NTRK1: variants seen among roughly 807,000 people sequenced by gnomAD.
The protein encoded by NTRK1 is high affinity nerve growth factor receptor.
In NTRK1, 62 loss-of-function variants were observed where a neutral mutation model predicts 86.8. The observed-to-expected ratio is 0.71, with a 90% CI of 0.58 to 0.88. The LOEUF is 0.88. Ranked by LOEUF, NTRK1 falls within the 40% of genes least tolerant of loss-of-function variation. NTRK1 has a pLI of 0.00. For synonymous variants in NTRK1, 469 were observed against 456.6 expected (o/e 1.03, Z -0.35); for missense variants, 967 against 1,078.4 (o/e 0.90, Z 1.45).
intron 1 of NTRK1, among the ~76,000 whole-genome samples, chr1:156,820,074 G>A (rs976915629): frequency 6.6e-6 from 1 of 151,994 alleles, no homozygotes; most frequent in South Asian, 2.1e-4. Flanking sequence ...AGAGTTTTTT[G>A]GATGTTATCT....
Position 156,861,802 on chromosome 1 carries a change from G to A in NTRK1, c.212+656G>A, listed in dbSNP as rs370477563. On this transcript the variant is annotated intron_variant, in intron 1 of 16. Transcript: ENST00000524377. ...CCAACCTTGTCTCTCTACCTGGGGC[G>A]GGGAGTCAGGGCCCTTGCTGAGAGA... is the stretch of plus-strand genomic sequence containing the variant. Among the ~76,000 whole-genome samples, 253 of 152,234 alleles carry A rather than the reference G, an allele frequency of 1.7e-3. 2 individuals are homozygous for A. The highest frequency in any genetic ancestry group is 5.7e-3 in the African/African-American group (238 of 41,538).
At chr1:156,832,406 T>C (rs1654487777) in intron 1 of NTRK1, among the ~76,000 whole-genome samples, 1 of 152,094 alleles carries the variant, frequency 6.6e-6, no homozygotes, top group Non-Finnish European at 1.5e-5. Context: ...AGAAGGGGTA[T>C]AAGAAGGAGT....
At chr1:156,879,383 A>T (rs949614489) in intron 15 of NTRK1, 21 bp downstream of exon 15, 3 of 1,587,704 alleles carry the variant, frequency 1.9e-6, no homozygotes, top group Non-Finnish European at 2.6e-6. Flanking sequence ...TTTGTCCCCA[A>T]CGCCTTCCCC....
rs1466924719 is a variant in NTRK1, at chr1:156,873,671, C to T, written c.889C>T (p.His297Tyr). 6.2e-7 allele frequency: 1 copy of T among 1,610,438 alleles called. No homozygotes were observed. Among genetic ancestry groups the T allele is most frequent in the African/African-American group, 1.3e-5 (1 of 74,962 alleles). Residue 297 changes from histidine (H) to tyrosine (Y), a missense_variant, in exon 8 of 17, where the codon CAC (histidine) becomes TAC (tyrosine). Physicochemically the swap from His to Tyr is moderately conservative, Grantham distance 83 (BLOSUM62 2). Around this residue, in one of 2 missense-constraint regions of NTRK1, gnomAD observed 637 missense variants for 776.5 expected, o/e 0.82. Transcript: ENST00000524377. ...GCAGCTGCACACGGCGGTGGAGATG[C>T]ACCACTGGTGCATCCCCTTCTCTGT... ...SVQLHTAVEM[H>Y]HWCIPFSVDG...
intron 1 of NTRK1, among the ~76,000 whole-genome samples, chr1:156,827,603 C>T (rs984669815): frequency 2.7e-4 from 41 of 152,158 alleles, no homozygotes; most frequent in Middle Eastern, 3.2e-3. Context: ...CCCTATGTTT[C>T]CCAGGCTGGT....
At chr1:156,853,352 AG>A (rs1319698746) in intron 2 of NTRK1, among the ~76,000 whole-genome samples, 5 of 152,320 alleles carry the variant, frequency 3.3e-5, no homozygotes, top group African/African-American at 9.6e-5. Flanking sequence ...TTTACAGCTG[AG>A]GAAACTGTGG....
At chr1:156,826,680 C>A (rs1377015935) in intron 1 of NTRK1, among the ~76,000 whole-genome samples, 3 of 152,212 alleles carry the variant, frequency 2.0e-5, no homozygotes, top group Non-Finnish European at 4.4e-5. Flanking sequence ...GTTTTTCTAA[C>A]CACCAGCCCA....
chr1:156,865,614 G>T (rs542342236), intron 3 of NTRK1, among the ~76,000 whole-genome samples: 1 of 152,164 alleles, frequency 6.6e-6, no homozygotes, highest in Non-Finnish European at 1.5e-5. Context: ...TTAAGAGTCA[G>T]GGTCTCCCTC....
rs1218615067 is a variant in NTRK1, at chr1:156,879,215, G to A, written c.1899G>A (p.Gln633=). 1 of 1,614,088 alleles carries A rather than the reference G, an allele frequency of 6.2e-7. No individual in the cohort carries two copies. Among genetic ancestry groups the A allele is most frequent in the Non-Finnish European group, 8.5e-7 (1 of 1,179,994 alleles). ...GLGQLLAVAS[Q]VAAGMVYLAG... ...GGCAGCTGCTGGCCGTGGCTAGCCA[G>A]GTCGCTGCGGGGATGGTGTACCTGG... The change falls in exon 15 of 17, where the codon CAG becomes CAA. Residue 633 remains glutamine (Q), a synonymous_variant. Coordinates refer to ENST00000524377, the MANE Select transcript of NTRK1 (RefSeq NM_002529.4).
At chr1:156,870,958 C>T (rs184157675) in intron 6 of NTRK1, among the ~76,000 whole-genome samples, 80 of 152,358 alleles carry the variant, frequency 5.3e-4, no homozygotes, top group South Asian at 1.2e-3. Context: ...CACCCATGGT[C>T]CTCATCTGCT....
intron 5 of NTRK1, 125 bp downstream of exon 5, chr1:156,868,374 A>G (rs1181774351): frequency 6.5e-7 from 1 of 1,534,234 alleles, no homozygotes; most frequent in East Asian, 2.4e-5. Flanking sequence ...GCTGGGGGAA[A>G]CTGCCTGGGG....
intron 2 of NTRK1, chr1:156,845,522 A>G: frequency 1.4e-6 from 2 of 1,473,432 alleles, no homozygotes; most frequent in Non-Finnish European, 1.8e-6. Flanking sequence ...CGCCCACACA[A>G]GCAAGGCCCC....
At chr1:156,859,627 A>T (rs1347152914), upstream of NTRK1, among the ~76,000 whole-genome samples, 4 of 152,264 alleles carry the variant, frequency 2.6e-5, no homozygotes, top group East Asian at 5.8e-4. The surrounding 1 kb of genome is among the most constrained non-coding windows in gnomAD (Gnocchi z 6.2). Flanking sequence ...TCTGACCAAG[A>T]TCCCGAGGAA....
intron 1 of NTRK1, among the ~76,000 whole-genome samples, chr1:156,834,708 T>C (rs1158755236): frequency 6.7e-6 from 1 of 149,082 alleles, no homozygotes; most frequent in African/African-American, 2.6e-5. Flanking sequence ...GCCTGGGTGA[T>C]AGAGACCCTG....
At chr1:156,861,596 C>G (rs1448080255) in intron 1 of NTRK1, among the ~76,000 whole-genome samples, 1 of 152,194 alleles carries the variant, frequency 6.6e-6, no homozygotes, top group Non-Finnish European at 1.5e-5. Context: ...AGGAGGCAAC[C>G]CTAGCTTTTC....
intron 6 of NTRK1, among the ~76,000 whole-genome samples, chr1:156,870,816 C>T (rs1184258406): frequency 2.0e-5 from 3 of 152,190 alleles, no homozygotes; most frequent in Non-Finnish European, 4.4e-5. Context: ...ACCCACAGTT[C>T]AGCAAGATGA....
intron 7 of NTRK1, among the ~76,000 whole-genome samples, chr1:156,872,134 G>A (rs1647598757): frequency 6.6e-6 from 1 of 152,116 alleles, no homozygotes; most frequent in Non-Finnish European, 1.5e-5. Context: ...TACGCTCGCT[G>A]CCTAATTTCT....
chr1:156,853,706 C>T, intron 2 of NTRK1: 1 of 1,548,546 alleles, frequency 6.5e-7, no homozygotes, highest in Non-Finnish European at 8.8e-7. Context: ...CCCATGTGAC[C>T]CTGCTCTCTC....
intron 16 of NTRK1, chr1:156,880,431 C>A: frequency 1.9e-6 from 1 of 531,788 alleles, no homozygotes; most frequent in Non-Finnish European, 3.4e-6. Flanking sequence ...GACCCCCATC[C>A]CTAGCTGCAT....
Sources: allele counts gnomAD v4.1 joint callset (sites outside exome capture counted in the v4.1 genomes callset), GRCh38; gene constraint gnomAD v4.1.1; regional missense constraint gnomAD v4.1.1; non-coding constraint Gnocchi (gnomAD v3.1); transcripts MANE v1.5; gene names NCBI Gene and HGNC (gene_info 2026-07-23, HGNC 2026-07-21).